Variants in PCBP3 observed in about 807,000 individuals in gnomAD.
The protein encoded by PCBP3 is poly(rC)-binding protein 3.
Under a neutral mutation model 52.7 loss-of-function variants are expected in PCBP3, and 25 were observed. That is an observed-to-expected ratio of 0.47 (90% confidence interval 0.35 to 0.66). The LOEUF (loss-of-function observed/expected upper bound fraction) is 0.66, where lower values mean the gene tolerates loss of function less well. Among genes scored for constraint, PCBP3 ranks in the 30% least tolerant of loss-of-function variants. The pLI, the probability that PCBP3 is intolerant of heterozygous loss-of-function variation, is 0.01. For missense variants in PCBP3, 391 were observed against 490.3 expected, an observed-to-expected ratio of 0.80 and a Z score of 1.91; for synonymous variants, 162 against 183.0, an observed-to-expected ratio of 0.89 and a Z score of 0.93.
intron 2 of PCBP3, among the ~76,000 whole-genome samples, chr21:45,696,155 A>G (rs962252496): frequency 2.0e-5 from 3 of 151,934 alleles, no homozygotes; most frequent in Non-Finnish European, 4.4e-5. Context: ...CATACGGAAA[A>G]CATGAACTTG....
Position 45,791,781 on chromosome 21 carries a change from G to A in PCBP3, c.-126+36329G>A, listed in dbSNP as rs971966760. On this transcript the variant is annotated intron_variant, in intron 4 of 17. Transcript: ENST00000681687. The surrounding 1 kb of genome is among the most constrained non-coding windows in gnomAD (Gnocchi z 4.2). ...CTGACTGCACAGCAAGTGTTAGGTC[G>A]TGGCACAGGGTAATTACAGACAACA... Among the ~76,000 whole-genome samples, 2 of 152,238 alleles carry A rather than the reference G, an allele frequency of 1.3e-5. No homozygotes were observed. Among genetic ancestry groups the A allele is most frequent in the African/African-American group, 2.4e-5 (1 of 41,468 alleles).
At chr21:45,914,048 C>T (rs576221289) in intron 12 of PCBP3, 23 bp downstream of exon 12, 2 of 1,613,256 alleles carry the variant, frequency 1.2e-6, no homozygotes, top group Middle Eastern at 1.7e-4. Flanking sequence ...CCGCTCGCGG[C>T]CTCCACTGCC....
chr21:45,691,460 GT>G (rs2082474433), intron 2 of PCBP3, among the ~76,000 whole-genome samples: 1 of 96,848 alleles, frequency 1.0e-5, no homozygotes, highest in Non-Finnish European at 2.2e-5. Context: ...GTATGTATGT[GT>G]GTGTGTGTGT....
At chr21:45,706,363 G>A (rs957536631) in intron 2 of PCBP3, among the ~76,000 whole-genome samples, 2 of 152,150 alleles carry the variant, frequency 1.3e-5, no homozygotes, top group African/African-American at 2.4e-5. Flanking sequence ...TCTGGCTGAC[G>A]TTACAGTATG....
At chr21:45,674,542 C>T (rs1409700025) in intron 2 of PCBP3, among the ~76,000 whole-genome samples, 1 of 151,966 alleles carries the variant, frequency 6.6e-6, no homozygotes, top group Non-Finnish European at 1.5e-5. Flanking sequence ...CATATATGGC[C>T]CTTTCACAGG....
intron 2 of PCBP3, among the ~76,000 whole-genome samples, chr21:45,730,174 C>A (rs997019321): frequency 1.3e-5 from 2 of 151,574 alleles, no homozygotes; most frequent in Non-Finnish European, 2.9e-5. Context: ...CTGTTGATTT[C>A]CCTCTTGGTA....
At chr21:45,892,831 T>C (rs2095711282) in intron 5 of PCBP3, among the ~76,000 whole-genome samples, 2 of 152,154 alleles carry the variant, frequency 1.3e-5, no homozygotes. Context: ...CACCTGGGTC[T>C]CCCCATCTTA....
Position 45,880,092 on chromosome 21 carries a change from A to G in PCBP3, c.11-16116A>G, listed in dbSNP as rs138757226. 5.5e-4 allele frequency among the ~76,000 whole-genome samples: 84 copies of G among 152,324 alleles called. No homozygotes were observed. Among genetic ancestry groups the G allele is most frequent in the African/African-American group, 1.9e-3 (78 of 41,574 alleles). ...CGTTTGTTGTGTGGCGTGAGAGTCC[A>G]TCCTGGTTTCGTGGCATTTTTCTCT... is the stretch of plus-strand genomic sequence containing the variant. On this transcript the variant is annotated intron_variant, in intron 5 of 17. Coordinates refer to ENST00000681687, the MANE Select transcript of PCBP3 (RefSeq NM_001384156.1). The surrounding 1 kb of genome is among the most constrained non-coding windows in gnomAD (Gnocchi z 5.4).
chr21:45,778,464 G>A lies in PCBP3; in HGVS notation c.-126+23012G>A, dbSNP rs76501764. ...ACCAAGCTGGTGGGTGGGTTCTTGC[G>A]CCCCTGGGAAACTGGCATGGGCGAT... On this transcript the variant is annotated intron_variant, in intron 4 of 17. Transcript: ENST00000681687. 5.1e-3 allele frequency among the ~76,000 whole-genome samples: 781 copies of A among 152,270 alleles called. 5 individuals carry two copies. Among genetic ancestry groups the A allele is most frequent in the African/African-American group, 0.018 (732 of 41,546 alleles).
chr21:45,839,862 C>G (rs994331109), intron 4 of PCBP3, among the ~76,000 whole-genome samples: 1 of 151,720 alleles, frequency 6.6e-6, no homozygotes, highest in African/African-American at 2.4e-5. Flanking sequence ...AATTTTTGTA[C>G]TTTCAGTAGA....
rs1247886732 is a variant in PCBP3 at position 45,805,379 on chromosome 21, C to T, written c.-125-44582C>T. On this transcript the variant is annotated intron_variant, in intron 4 of 17. Coordinates refer to ENST00000681687, the MANE Select transcript of PCBP3 (RefSeq NM_001384156.1). The surrounding 1 kb of genome is among the most constrained non-coding windows in gnomAD (Gnocchi z 4.6). The stretch of plus-strand genomic sequence containing the variant: ...TGACTGGTAACAAGCAGGGGTTTGG[C>T]ACCCCCCTTGCCCACCTGCCCTGTG... 6.6e-6 allele frequency among the ~76,000 whole-genome samples: 1 copy of T among 152,048 alleles called. No homozygotes were observed. Among genetic ancestry groups the T allele is most frequent in the Non-Finnish European group, 1.5e-5 (1 of 68,014 alleles).
chr21:45,916,870 C>T (rs559272171), intron 12 of PCBP3: 9 of 152,420 alleles, frequency 5.9e-5, no homozygotes, highest in East Asian at 3.9e-4. Flanking sequence ...TCTCCACTGA[C>T]GGGACCTGTG....
intron 2 of PCBP3, among the ~76,000 whole-genome samples, chr21:45,688,289 C>A (rs1232389335): frequency 6.6e-6 from 1 of 152,058 alleles, no homozygotes; most frequent in Non-Finnish European, 1.5e-5. Flanking sequence ...AAACTAATTT[C>A]AAGAAAACAT....
chr21:45,733,768 T>C (rs2085643872), intron 2 of PCBP3, among the ~76,000 whole-genome samples: 1 of 152,144 alleles, frequency 6.6e-6, no homozygotes, highest in Non-Finnish European at 1.5e-5. Context: ...GCCTGGTTAA[T>C]TTTTGTATTT....
rs2073601319 is a variant in PCBP3, at chr21:45,917,210, C to T, written c.676-378C>T. The T allele has an allele frequency of 1.0e-5, 2 of 200,626 alleles. No individual in the cohort carries two copies. The highest frequency in any genetic ancestry group is 1.1e-4 in the East Asian group (1 of 8,722). The allele number at this position is 200,626 out of a possible 1,614,324, so 12.4% of individuals were successfully genotyped here. On this transcript the variant is annotated intron_variant, in intron 12 of 17. Transcript: ENST00000681687. This position sits in a 1 kb window ranked among gnomAD's most constrained non-coding sequence, Gnocchi z 5.3. ...TGGACTTCTTGGGGTAAATTATTTCCCAAAAGTATTTACTCAGATGACTGA... is the reference window on the plus strand; with the variant it reads ...TGGACTTCTTGGGGTAAATTATTTCTCAAAAGTATTTACTCAGATGACTGA...
At chr21:45,913,880 G>T in intron 11 of PCBP3, 71 bp from the exon 12 acceptor site, 1 of 1,410,972 alleles carries the variant, frequency 7.1e-7, no homozygotes, top group Non-Finnish European at 9.7e-7. Context: ...GTGGGCCGGG[G>T]CACGCCTCCC....
At chr21:45,660,390 T>C (rs1405960161) in intron 1 of PCBP3, among the ~76,000 whole-genome samples, 1 of 152,186 alleles carries the variant, frequency 6.6e-6, no homozygotes, top group Non-Finnish European at 1.5e-5. Context: ...TACATATAAC[T>C]GAATCATTAA....
intron 14 of PCBP3, among the ~76,000 whole-genome samples, chr21:45,930,253 G>T (rs868313375): frequency 2.6e-5 from 4 of 151,820 alleles, no homozygotes; most frequent in Non-Finnish European, 5.9e-5. Flanking sequence ...GTGAAGAGAC[G>T]TCTGCCCACC....
intron 13 of PCBP3, among the ~76,000 whole-genome samples, chr21:45,923,346 G>A (rs2074738753): frequency 1.3e-5 from 2 of 152,200 alleles, no homozygotes; most frequent in Non-Finnish European, 2.9e-5. Flanking sequence ...TGCAAGTGGT[G>A]CAGCGGCTTG....
Sources: allele counts gnomAD v4.1 joint callset (sites outside exome capture counted in the v4.1 genomes callset), GRCh38; gene constraint gnomAD v4.1.1; non-coding constraint Gnocchi (gnomAD v3.1); transcripts MANE v1.5; gene names NCBI Gene and HGNC (gene_info 2026-07-23, HGNC 2026-07-21).